ERLIN2: variants seen among roughly 807,000 people sequenced by gnomAD.
ERLIN2 encodes erlin-2.
ERLIN2 carries 22 observed loss-of-function variants against 41.5 expected under a neutral mutation model. That is an observed-to-expected ratio of 0.53 (90% CI 0.38 to 0.76). The LOEUF (loss-of-function observed/expected upper bound fraction) is 0.76, where lower values mean the gene tolerates loss of function less well. Ranked by LOEUF, ERLIN2 falls within the 30% of genes least tolerant of loss-of-function variation. The pLI is 0.00. For synonymous variants in ERLIN2, 149 were observed against 150.9 expected, an observed-to-expected ratio of 0.99 and a Z score of 0.09; for missense variants, 247 against 414.3, an observed-to-expected ratio of 0.60 and a Z score of 3.51.
intron 6 of ERLIN2, chr8:37,745,858 AAACT>A (rs1307555492): frequency 1.5e-6 from 2 of 1,314,394 alleles, no homozygotes; most frequent in South Asian, 2.0e-5. Flanking sequence ...TTTTAACCTC[AAACT>A]AATAGAATTT....
At chr8:37,753,884 A>G (rs534964014) in intron 11 of ERLIN2, 31 bp from the exon 12 acceptor site, 1 of 1,585,022 alleles carries the variant, frequency 6.3e-7, no homozygotes, top group South Asian at 1.1e-5. Context: ...GGTTCAACAT[A>G]AGTCTTCCAT....
Position 37,750,382 on chromosome 8 carries a change from T to G in ERLIN2, c.558-13T>G. 6.2e-7 allele frequency: 1 copy of G among 1,608,040 alleles called. No homozygotes were observed. The highest frequency in any genetic ancestry group is 8.5e-7 in the Non-Finnish European group (1 of 1,175,310). On this transcript the variant is annotated splice_polypyrimidine_tract_variant and intron_variant, in intron 8 of 11. Coordinates refer to ENST00000519638, the MANE Select transcript of ERLIN2 (RefSeq NM_007175.8). ...TTTTCCATAGCTGCCTCACGGCTTT[T>G]TCTTCTCTTCAGGGAAAGTGAGAAG...
chr8:37,753,865 C>G, intron 11 of ERLIN2, 50 bp from the exon 12 acceptor site: 1 of 1,538,452 alleles, frequency 6.5e-7, no homozygotes, highest in Non-Finnish European at 9.0e-7. Flanking sequence ...TCCCCTCCTT[C>G]TCTAATATGG....
chr8:37,743,978 A>G (rs1802947077), intron 4 of ERLIN2, among the ~76,000 whole-genome samples: 1 of 152,212 alleles, frequency 6.6e-6, no homozygotes, highest in East Asian at 1.9e-4. Context: ...TTTAAGAAAC[A>G]TTGATCATAA....
At chr8:37,748,005 G>A (rs2129702190) in intron 6 of ERLIN2, 1 of 1,613,276 alleles carries the variant, frequency 6.2e-7, no homozygotes, top group East Asian at 2.2e-5. Flanking sequence ...CTTTCGGCAT[G>A]GTTTCCAGGA....
Position 37,754,540 on chromosome 8 carries a change from C to G in ERLIN2, c.*425C>G, listed in dbSNP as rs1422771677. 1 of 263,612 alleles carries G rather than the reference C, an allele frequency of 3.8e-6. No homozygotes were observed. The highest frequency in any genetic ancestry group is 5.0e-5 in the Admixed American group (1 of 20,184). The allele number at this position is 263,612 out of a possible 1,614,324, so 16.3% of individuals were successfully genotyped here. ...AGGTAGGAGATGTCTGTGGGTGAGG[C>G]TCAGCAACTGAGCAAATATGTGCCT... is the stretch of plus-strand genomic sequence containing the variant. On this transcript the variant is annotated 3_prime_UTR_variant, in exon 12 of 12. Coordinates refer to ENST00000519638, the MANE Select transcript of ERLIN2 (RefSeq NM_007175.8).
At chr8:37,745,202 C>T (rs576739966) in intron 6 of ERLIN2, 1 of 448,296 alleles carries the variant, frequency 2.2e-6, no homozygotes. Context: ...TGGAGGGCCC[C>T]CAGGAATGGG....
intron 1 of ERLIN2, 121 bp downstream of exon 1, chr8:37,736,799 C>G (rs532559942): frequency 1.0e-6 from 1 of 985,880 alleles, no homozygotes; most frequent in African/African-American, 1.7e-5. Context: ...CGGCCCGCTC[C>G]TGGAGAGAGA....
intron 10 of ERLIN2, 54 bp from the exon 11 acceptor site, chr8:37,753,396 C>A: frequency 6.7e-7 from 1 of 1,484,434 alleles, no homozygotes; most frequent in Non-Finnish European, 9.4e-7. Flanking sequence ...GCACTTCCTG[C>A]AAAGAACTCA....
chr8:37,742,665 G>C (rs977777644), intron 4 of ERLIN2, among the ~76,000 whole-genome samples: 1 of 152,254 alleles, frequency 6.6e-6, no homozygotes, highest in South Asian at 2.1e-4. Flanking sequence ...TGGATAGGGG[G>C]TGGGGAGAGG....
intron 8 of ERLIN2, 171 bp from the exon 9 acceptor site, chr8:37,750,224 G>A: frequency 1.5e-6 from 1 of 663,596 alleles, no homozygotes; most frequent in Non-Finnish European, 2.7e-6. Flanking sequence ...GAGGAGAAGA[G>A]CTATGTTACT....
At position 37,736,832 on chromosome 8, in the gene ERLIN2, C is replaced by T. The variant is rs566059959; in HGVS notation, c.-16+154C>T. On this transcript the variant is annotated intron_variant, in intron 1 of 11. Coordinates refer to ENST00000519638, the MANE Select transcript of ERLIN2 (RefSeq NM_007175.8). ...AGACAGAAACCCTTTTCTGTCGCGT[C>T]CTCTCCTTGCGAGCCGCAGGGGGAC... 4.4e-5 allele frequency: 43 copies of T among 985,930 alleles called. No homozygotes were observed. The South Asian group carries it at 1.2e-3, about 27-fold the overall frequency. The allele number at this position is 985,930 out of a possible 1,614,324, so 61.1% of individuals were successfully genotyped here.
chr8:37,742,825 T>C (rs964893525), intron 4 of ERLIN2, among the ~76,000 whole-genome samples: 3 of 152,010 alleles, frequency 2.0e-5, no homozygotes, highest in Non-Finnish European at 4.4e-5. Context: ...CAATGGAAAA[T>C]AAAATAAAAT....
Position 37,757,636 on chromosome 8 carries a change from T to C in ERLIN2, c.*3521T>C, listed in dbSNP as rs1803390747. ...ATGTGAATTTATGTCTTAGTTTTAT[T>C]TGCAGTCTTGCTAAGTAAAATGAGT... On this transcript the variant is annotated 3_prime_UTR_variant, in exon 12 of 12. Transcript: ENST00000519638. 1 of 152,240 alleles carries C rather than the reference T, an allele frequency of 6.6e-6. No individual in the cohort carries two copies. The highest frequency in any genetic ancestry group is 2.4e-5 in the African/African-American group (1 of 41,456). The allele number at this position is 152,240 out of a possible 1,614,324, so 9.4% of individuals were successfully genotyped here. A position where few individuals can be genotyped will look rare whatever the true frequency, so the allele number is the denominator to read the frequency against.
intron 2 of ERLIN2, among the ~76,000 whole-genome samples, chr8:37,739,327 A>G (rs1199131461): frequency 6.6e-6 from 1 of 152,196 alleles, no homozygotes; most frequent in South Asian, 2.1e-4. Context: ...ATATATTTCA[A>G]TTATTTATAA....
rs1290456014 is a variant in ERLIN2, at chr8:37,750,434, A to G, written c.597A>G (p.Lys199=). Residue 199 remains lysine (K), a synonymous_variant, in exon 9 of 12, where the codon AAA becomes AAG. Coordinates refer to ENST00000519638, the MANE Select transcript of ERLIN2 (RefSeq NM_007175.8). The part of the protein sequence containing the change: ...EKTKLLIAAQ[K]QKVVEKEAET... ...CAAAGCTTCTCATTGCCGCCCAGAA[A>G]CAGAAGGTGGTGGAAAAGGAAGCAG... is the stretch of plus-strand genomic sequence containing the variant. 1.2e-6 allele frequency: 2 copies of G among 1,613,884 alleles called. No homozygotes were observed. Among genetic ancestry groups the G allele is most frequent in the South Asian group, 2.2e-5 (2 of 91,078 alleles).
In ERLIN2 at chr8:37,737,905, T is replaced by G; in HGVS notation, c.-15-3T>G. ...CACACATTTTCCCGTGTCTTTTCCC[T>G]AGGATAAAGGCTCACTGATGGCTCA... On this transcript the variant is annotated splice_region_variant and splice_polypyrimidine_tract_variant and intron_variant, in intron 1 of 11. Coordinates refer to ENST00000519638, the MANE Select transcript of ERLIN2 (RefSeq NM_007175.8). 1 of 1,614,046 alleles carries G rather than the reference T, an allele frequency of 6.2e-7. No homozygotes were observed. Among genetic ancestry groups the G allele is most frequent in the African/African-American group, 1.3e-5 (1 of 75,052 alleles).
intron 6 of ERLIN2, chr8:37,747,325 A>C: frequency 1.7e-6 from 2 of 1,158,872 alleles, no homozygotes; most frequent in Non-Finnish European, 2.6e-6. Flanking sequence ...GGGCTCAGAA[A>C]AAAAGCCTGG....
intron 6 of ERLIN2, chr8:37,745,333 A>G (rs778464523): frequency 1.1e-4 from 63 of 573,092 alleles, no homozygotes; most frequent in Admixed American, 4.3e-4. Context: ...CAACGAATAG[A>G]AAAACACTTT....
Sources: gnomAD v4.1 joint callset for allele counts (sites outside exome capture counted in the v4.1 genomes callset) on GRCh38, gnomAD v4.1.1 for gene constraint, MANE v1.5 for transcripts, NCBI Gene and HGNC (gene_info 2026-07-23, HGNC 2026-07-21) for gene names.